The following ZNF385D variants were observed in gnomAD, a reference collection of about 807,000 sequenced individuals.
ZNF385D encodes the protein zinc finger protein 659.
ZNF385D carries 15 observed loss-of-function variants against 35.8 expected under a neutral mutation model. The ratio of observed to expected loss-of-function variants is 0.42; its 90% CI spans 0.28 to 0.64. The LOEUF is 0.64. Ranked by LOEUF, ZNF385D falls within the 30% of genes least tolerant of loss-of-function variation. The probability of loss-of-function intolerance (pLI) is 0.23; values close to 1 mark genes in which losing one functional copy is unlikely to be tolerated. For synonymous variants in ZNF385D, 212 were observed against 186.8 expected, an observed-to-expected ratio of 1.13 and a Z score of -1.10; for missense variants, 474 against 494.6, an observed-to-expected ratio of 0.96 and a Z score of 0.39.
intron 3 of ZNF385D, among the ~76,000 whole-genome samples, chr3:21,851,126 A>T (rs2125809738): frequency 6.6e-6 from 1 of 152,160 alleles, no homozygotes; most frequent in Non-Finnish European, 1.5e-5. Flanking sequence ...AACAATGAAA[A>T]GACAAATGGA....
At chr3:21,962,701 G>C (rs1702662984) in intron 3 of ZNF385D, among the ~76,000 whole-genome samples, 2 of 152,126 alleles carry the variant, frequency 1.3e-5, no homozygotes, top group South Asian at 4.1e-4. Context: ...ATTCTCTGTG[G>C]AAAGGTATTT....
At chr3:22,027,779 T>C (rs1233960290) in intron 3 of ZNF385D, among the ~76,000 whole-genome samples, 2 of 152,158 alleles carry the variant, frequency 1.3e-5, no homozygotes, top group East Asian at 3.9e-4. Context: ...CAAATGCCCA[T>C]GGTCTCCACT....
At chr3:22,136,434 C>G (rs994647342) in intron 3 of ZNF385D, among the ~76,000 whole-genome samples, 2 of 151,206 alleles carry the variant, frequency 1.3e-5, no homozygotes, top group African/African-American at 2.4e-5. Context: ...AAATTAAAAC[C>G]CTTTCTCAGT....
intron 2 of ZNF385D, among the ~76,000 whole-genome samples, chr3:22,211,091 C>T (rs1697488893): frequency 1.3e-5 from 2 of 151,688 alleles, no homozygotes; most frequent in South Asian, 4.1e-4. Flanking sequence ...TTGTGCTTAC[C>T]CAGCTGAAGA....
At chr3:22,253,028 T>C (rs572808918) in intron 2 of ZNF385D, among the ~76,000 whole-genome samples, 2 of 152,166 alleles carry the variant, frequency 1.3e-5, no homozygotes, top group South Asian at 2.1e-4. Context: ...TTAACCTGAA[T>C]TGAAAAGCAA....
chr3:22,028,453 C>A (rs1022311784), intron 3 of ZNF385D, among the ~76,000 whole-genome samples: 10 of 152,260 alleles, frequency 6.6e-5, no homozygotes, highest in Admixed American at 2.6e-4. Flanking sequence ...GCCCGATTTG[C>A]CAGCAGCAGA....
chr3:22,083,226 A>G (rs1423938376), intron 3 of ZNF385D, among the ~76,000 whole-genome samples: 1 of 152,216 alleles, frequency 6.6e-6, no homozygotes, highest in African/African-American at 2.4e-5. Context: ...CTGGACGGAG[A>G]ATGACTTTGA....
chr3:21,833,890 T>C (rs1436671000), intron 3 of ZNF385D, among the ~76,000 whole-genome samples: 1 of 152,166 alleles, frequency 6.6e-6, no homozygotes, highest in Non-Finnish European at 1.5e-5. Flanking sequence ...CATACAATAA[T>C]GATATGCATT....
chr3:22,272,924 AG>A (rs1295421400), intron 2 of ZNF385D, among the ~76,000 whole-genome samples: 1 of 152,014 alleles, frequency 6.6e-6, no homozygotes, highest in African/African-American at 2.4e-5. Context: ...AGAAACGATC[AG>A]AAATAAGAGA....
intron 3 of ZNF385D, among the ~76,000 whole-genome samples, chr3:21,924,612 C>G (rs1700634504): frequency 6.6e-6 from 1 of 152,018 alleles, no homozygotes; most frequent in Admixed American, 6.6e-5. Flanking sequence ...CTCCTGTACC[C>G]TTTACTCTTC....
chr3:21,875,844 T>C (rs1697936476), intron 3 of ZNF385D, among the ~76,000 whole-genome samples: 1 of 152,040 alleles, frequency 6.6e-6, no homozygotes, highest in African/African-American at 2.4e-5. Context: ...AGAGTAGATC[T>C]GGCAGACCCA....
chr3:22,148,895 A>C (rs1705042032), intron 3 of ZNF385D, among the ~76,000 whole-genome samples: 1 of 152,210 alleles, frequency 6.6e-6, no homozygotes. Flanking sequence ...TCAAGGGATG[A>C]GATGACATGA....
At chr3:21,433,993 G>A (rs1162490391) in intron 5 of ZNF385D, among the ~76,000 whole-genome samples, 1 of 152,048 alleles carries the variant, frequency 6.6e-6, no homozygotes, top group Non-Finnish European at 1.5e-5. Context: ...TTTAAGCCCT[G>A]CGGTATTACA....
Position 21,988,932 on chromosome 3 carries a change from C to G in ZNF385D, c.325+179885G>C, listed in dbSNP as rs553230307. 2.6e-5 allele frequency among the ~76,000 whole-genome samples: 4 copies of G among 152,316 alleles called. No homozygotes were observed. The South Asian group carries it at 6.2e-4, about 24-fold the overall frequency. ...ATTCGGGTGGGAGTGACCCGATTTT[C>G]CAGGTGCGTCCATCACCCCTTTCTT... On this transcript the variant is annotated intron_variant, in intron 3 of 5. Coordinates refer to the ZNF385D transcript ENST00000494108.
chr3:21,976,650 G>T (rs1007498335), intron 3 of ZNF385D, among the ~76,000 whole-genome samples: 3 of 152,104 alleles, frequency 2.0e-5, no homozygotes, highest in Non-Finnish European at 4.4e-5. Context: ...TCCAGAATTG[G>T]TAAATATATT....
intron 3 of ZNF385D, among the ~76,000 whole-genome samples, chr3:21,976,229 G>A (rs1703615196): frequency 6.6e-6 from 1 of 152,056 alleles, no homozygotes; most frequent in African/African-American, 2.4e-5. Flanking sequence ...TCAGAAGACT[G>A]GTAATGACAA....
chr3:22,001,646 A>C (rs1695851833), intron 3 of ZNF385D, among the ~76,000 whole-genome samples: 1 of 152,060 alleles, frequency 6.6e-6, no homozygotes, highest in Non-Finnish European at 1.5e-5. Context: ...TTTACAGAAC[A>C]TTTCATCCAG....
intron 3 of ZNF385D, among the ~76,000 whole-genome samples, chr3:22,110,694 C>T (rs1350784683): frequency 1.3e-5 from 2 of 151,240 alleles, no homozygotes; most frequent in South Asian, 2.1e-4. Context: ...TGTTAAATGA[C>T]AAGTTAATGG....
chr3:21,911,254 T>A (rs1249695320), intron 3 of ZNF385D, among the ~76,000 whole-genome samples: 1 of 151,860 alleles, frequency 6.6e-6, no homozygotes, highest in South Asian at 2.1e-4. Context: ...TTTATGAGAG[T>A]CCATTAGTTC....
Sources: gnomAD v4.1 joint callset for allele counts (sites outside exome capture counted in the v4.1 genomes callset) on GRCh38, gnomAD v4.1.1 for gene constraint, MANE v1.5 for transcripts, NCBI Gene and HGNC (gene_info 2026-07-23, HGNC 2026-07-21) for gene names.